The following TMEM219 variants were observed in gnomAD, a reference collection of about 807,000 sequenced individuals.
TMEM219 encodes insulin-like growth factor-binding protein 3 receptor.
Under a neutral mutation model 17.9 loss-of-function variants are expected in TMEM219, and 18 were observed. That is an observed-to-expected ratio of 1.01 (90% CI 0.70 to 1.49). The LOEUF is 1.49. TMEM219 is among the 40% of genes most tolerant of loss of function. The probability of loss-of-function intolerance (pLI) is 0.00; values close to 1 mark genes in which losing one functional copy is unlikely to be tolerated. For synonymous variants in TMEM219, 113 were observed against 124.0 expected, an observed-to-expected ratio of 0.91 and a Z score of 0.59; for missense variants, 288 against 292.4, an observed-to-expected ratio of 0.99 and a Z score of 0.11.
intron 3 of TMEM219, among the ~76,000 whole-genome samples, chr16:29,964,774 A>G (rs887045976): frequency 1.6e-4 from 25 of 152,236 alleles, no homozygotes; most frequent in Admixed American, 9.1e-4. Flanking sequence ...GACCTCACCA[A>G]TGATGACCTT....
intron 2 of TMEM219, 30 bp downstream of exon 2, chr16:29,963,338 C>T: frequency 6.2e-7 from 1 of 1,614,054 alleles, no homozygotes; most frequent in Non-Finnish European, 8.5e-7. Flanking sequence ...ACCCGCTCTT[C>T]CTTCCAACCT....
At position 29,963,514 on chromosome 16, in the gene TMEM219, T is replaced by C. The variant is rs2069174433; in HGVS notation, c.280T>C (p.Phe94Leu). 8.1e-6 allele frequency: 13 copies of C among 1,613,962 alleles called. No homozygotes were observed. The highest frequency in any genetic ancestry group is 1.1e-5 in the Non-Finnish European group (13 of 1,180,012). Residue 94 changes from phenylalanine to leucine, a missense_variant, in exon 3 of 6, where the codon TTC becomes CTC. Coordinates refer to ENST00000279396, the MANE Select transcript of TMEM219 (RefSeq NM_001083613.2). ...HVVGLLTTLN[F>L]GDGPDRNKTR... The stretch of plus-strand genomic sequence containing the variant: ...CGTGGGCTTGCTGACCACCTTGAAC[T>C]TCGGAGACGGTCCAGACAGGAACAA...
chr16:29,963,306 C>G lies in TMEM219; in HGVS notation c.163C>G (p.Gln55Glu), dbSNP rs1453670127. 6.2e-7 allele frequency: 1 copy of G among 1,614,154 alleles called. No individual in the cohort carries two copies. Among genetic ancestry groups the G allele is most frequent in the Non-Finnish European group, 8.5e-7 (1 of 1,180,026 alleles). Residue 55 changes from glutamine to glutamate, a missense_variant and splice_region_variant, in exon 2 of 6, where the codon CAG (glutamine) becomes GAG (glutamate). Coordinates refer to ENST00000279396, the MANE Select transcript of TMEM219 (RefSeq NM_001083613.2). ...RTGLRSPDIP[Q>E]DWVSFLRSFG... ...TGGCCTGCGCAGCCCTGACATCCCCCAGGTAAGTTCCCCACCCCCGTACCC... is the reference window on the plus strand; with the variant it reads ...TGGCCTGCGCAGCCCTGACATCCCCGAGGTAAGTTCCCCACCCCCGTACCC...
intron 1 of TMEM219, chr16:29,962,805 C>G: frequency 3.6e-6 from 1 of 276,106 alleles, no homozygotes; most frequent in Non-Finnish European, 7.0e-6. Flanking sequence ...ATTCCTCAGC[C>G]AAATCCTCGC....
intron 3 of TMEM219, 102 bp from the exon 4 acceptor site, chr16:29,967,923 C>T (rs1411563412): frequency 1.1e-5 from 10 of 916,428 alleles, no homozygotes; most frequent in Admixed American, 6.9e-5. Flanking sequence ...CGAGACTCCG[C>T]CTCAAAAAAA....
chr16:29,966,682 C>T (rs4788202), intron 3 of TMEM219, among the ~76,000 whole-genome samples: 61,030 of 151,804 alleles, frequency 0.4, 12,498 homozygotes, highest in South Asian at 0.48. Flanking sequence ...CAGGCATGGT[C>T]GTGGGCACCT....
intron 3 of TMEM219, among the ~76,000 whole-genome samples, chr16:29,965,801 G>A (rs565647973): frequency 3.3e-5 from 5 of 152,230 alleles, no homozygotes; most frequent in Admixed American, 2.0e-4. Flanking sequence ...GCAGTGATGC[G>A]ATCTCAGCTC....
At chr16:29,966,857 T>C (rs1191184570) in intron 3 of TMEM219, among the ~76,000 whole-genome samples, 1 of 152,086 alleles carries the variant, frequency 6.6e-6, no homozygotes, top group Non-Finnish European at 1.5e-5. Context: ...AAATATTCTG[T>C]ATTTTCTTTA....
chr16:29,968,274 C>G lies in TMEM219; in HGVS notation c.585+20C>G, dbSNP rs774172877. 2 of 1,596,908 alleles carry G rather than the reference C, an allele frequency of 1.3e-6. No individual in the cohort carries two copies. Among genetic ancestry groups the G allele is most frequent in the South Asian group, 1.1e-5 (1 of 90,698 alleles). Reference sequence around the variant, plus strand: ...ACCTCGGTAAGAGCCTCAGATGGGTCGCCAGGGTTTTGTAGACTGCCTGCT... The same window carrying G: ...ACCTCGGTAAGAGCCTCAGATGGGTGGCCAGGGTTTTGTAGACTGCCTGCT... On this transcript the variant is annotated intron_variant, in intron 4 of 5. Coordinates refer to ENST00000279396, the MANE Select transcript of TMEM219 (RefSeq NM_001083613.2).
intron 4 of TMEM219, among the ~76,000 whole-genome samples, chr16:29,969,999 T>C (rs993923070): frequency 2.6e-5 from 4 of 152,100 alleles, no homozygotes; most frequent in African/African-American, 9.7e-5. Context: ...CCCAGCACTT[T>C]GGGAGGCCAA....
chr16:29,967,828 G>A (rs563115401), intron 3 of TMEM219, among the ~76,000 whole-genome samples, 197 bp from the exon 4 acceptor site: 2 of 152,120 alleles, frequency 1.3e-5, no homozygotes, highest in East Asian at 1.9e-4. Context: ...TCGGGAGACT[G>A]AGGCAGGAGA....
intron 4 of TMEM219, 106 bp from the exon 5 acceptor site, chr16:29,971,299 TCAG>T: frequency 1.6e-5 from 19 of 1,219,214 alleles, no homozygotes; most frequent in East Asian, 2.4e-5. Flanking sequence ...CATTTTCCCT[TCAG>T]TTGCTCCCTA....
At chr16:29,972,922 TTTG>T (rs1343720149) in intron 5 of TMEM219, 25 bp from the exon 6 acceptor site, 1 of 152,214 alleles carries the variant, frequency 6.6e-6, no homozygotes, top group East Asian at 1.9e-4. Flanking sequence ...TTCGACCTGT[TTTG>T]TTGTTTTATT....
intron 1 of TMEM219, 128 bp from the exon 2 acceptor site, chr16:29,962,979 C>A (rs778595075): frequency 1.8e-4 from 137 of 767,486 alleles, no homozygotes; most frequent in Non-Finnish European, 2.9e-4. Flanking sequence ...GAGTCGGGAA[C>A]CTTGGATTCT....
chr16:29,972,251 T>G (rs779835383), intron 5 of TMEM219: 5 of 152,260 alleles, frequency 3.3e-5, no homozygotes, highest in Non-Finnish European at 5.9e-5. Flanking sequence ...TTTTGTAAAA[T>G]TCAACTTGAA....
chr16:29,971,929 C>T (rs1289329875), intron 5 of TMEM219: 3 of 168,512 alleles, frequency 1.8e-5, no homozygotes, highest in South Asian at 2.9e-4. Flanking sequence ...TCCCTTCCTT[C>T]CTGACAATGC....
rs1440964363 is a variant in TMEM219, at chr16:29,962,132, G to A, written c.-38G>A. The A allele has an allele frequency of 6.6e-6, 1 of 152,064 alleles. No individual in the cohort carries two copies. Among genetic ancestry groups the A allele is most frequent in the African/African-American group, 2.4e-5 (1 of 41,420 alleles). The allele number at this position is 152,064 out of a possible 1,614,324, so 9.4% of individuals were successfully genotyped here. A position where few individuals can be genotyped will look rare whatever the true frequency, so the allele number is the denominator to read the frequency against. ...CGCCGGCCTCCGCCCGGCCCCGAGG[G>A]GTAAGAGCGAGCGGCTGGCGGATCC... is the stretch of plus-strand genomic sequence containing the variant. On this transcript the variant is annotated splice_region_variant and 5_prime_UTR_variant, in exon 1 of 6. Coordinates refer to ENST00000279396, the MANE Select transcript of TMEM219 (RefSeq NM_001083613.2).
rs1402649547 is a variant in TMEM219, at chr16:29,963,098, G to A, written c.-37-9G>A. The A allele has an allele frequency of 3.1e-6, 5 of 1,598,878 alleles. No homozygotes were observed. In the East Asian group the frequency reaches 8.9e-5, roughly 29 times the overall value. On this transcript the variant is annotated splice_polypyrimidine_tract_variant and intron_variant, in intron 1 of 5. Coordinates refer to ENST00000279396, the MANE Select transcript of TMEM219 (RefSeq NM_001083613.2). ...TGCTCTTGTCCCATTCTCCCTCCCTGTCTTCCAGCAGGCTCTCCCCGGAGG... is the reference window on the plus strand; with the variant it reads ...TGCTCTTGTCCCATTCTCCCTCCCTATCTTCCAGCAGGCTCTCCCCGGAGG...
At chr16:29,967,893 C>G (rs1452705774) in intron 3 of TMEM219, 132 bp from the exon 4 acceptor site, 1 of 688,294 alleles carries the variant, frequency 1.5e-6, no homozygotes. Context: ...CGCCACTGCA[C>G]TCCAGCCTGG....
Sources: gnomAD v4.1 joint callset for allele counts (sites outside exome capture counted in the v4.1 genomes callset) on GRCh38, gnomAD v4.1.1 for gene constraint, MANE v1.5 for transcripts, NCBI Gene and HGNC (gene_info 2026-07-23, HGNC 2026-07-21) for gene names.